PACRG: variants seen among roughly 807,000 people sequenced by gnomAD.
PACRG encodes parkin coregulated gene protein.
PACRG carries 29 observed loss-of-function variants against 29.7 expected under a neutral mutation model. That is an observed-to-expected ratio of 0.98 (90% CI 0.73 to 1.33). PACRG has a LOEUF of 1.33. Ranked by LOEUF, PACRG falls within the 40% of genes most tolerant of loss-of-function variation. The pLI is 0.00. For synonymous variants in PACRG, 116 were observed against 118.7 expected (o/e 0.98, Z 0.15); for missense variants, 279 against 316.2 (o/e 0.88, Z 0.89).
chr6:163,043,370 A>C (rs1156308919), intron 2 of PACRG, among the ~76,000 whole-genome samples: 1 of 152,212 alleles, frequency 6.6e-6, no homozygotes, highest in East Asian at 1.9e-4. Context: ...AACCTGGCCA[A>C]CATGACAAAA....
intron 3 of PACRG, among the ~76,000 whole-genome samples, chr6:163,087,082 G>C (rs778273290): frequency 2.6e-5 from 4 of 152,112 alleles, no homozygotes; most frequent in Non-Finnish European, 5.9e-5. Flanking sequence ...ACAGGTTGGG[G>C]AAGTGGAGAA....
intron 4 of PACRG, among the ~76,000 whole-genome samples, chr6:163,197,024 T>C (rs1446064490): frequency 6.6e-6 from 1 of 151,782 alleles, no homozygotes; most frequent in Admixed American, 6.6e-5. Flanking sequence ...TAAATAAATA[T>C]ATGAAGGAGG....
intron 4 of PACRG, among the ~76,000 whole-genome samples, chr6:163,232,249 T>C (rs149643966): frequency 6.6e-6 from 1 of 152,224 alleles, no homozygotes; most frequent in Non-Finnish European, 1.5e-5. Context: ...CACACTCTTA[T>C]AATAGAGAAG....
intron 2 of PACRG, among the ~76,000 whole-genome samples, chr6:162,976,137 A>G (rs1801938162): frequency 6.6e-6 from 1 of 152,358 alleles, no homozygotes; most frequent in African/African-American, 2.4e-5. Context: ...GTAGTGAGAA[A>G]TGGAAGCAAG....
chr6:162,935,160 TAG>T (rs1299986429), intron 2 of PACRG, among the ~76,000 whole-genome samples: 2 of 152,152 alleles, frequency 1.3e-5, no homozygotes, highest in East Asian at 3.9e-4. Flanking sequence ...TAACTTGCCT[TAG>T]AGAGGACCGT....
intron 4 of PACRG, among the ~76,000 whole-genome samples, chr6:163,149,470 A>G (rs1777983012): frequency 6.6e-6 from 1 of 152,104 alleles, no homozygotes; most frequent in African/African-American, 2.4e-5. Context: ...CCTTGTGATG[A>G]AGCAAACCCC....
intron 1 of PACRG, among the ~76,000 whole-genome samples, chr6:162,781,179 C>A (rs1041825850): frequency 2.6e-5 from 4 of 151,908 alleles, no homozygotes; most frequent in African/African-American, 9.7e-5. Flanking sequence ...AAAGATGAAA[C>A]CTATGACACC....
rs778891928 is a variant in PACRG, at chr6:163,089,348, G to A, written c.553G>A (p.Ala185Thr). 2.5e-6 allele frequency: 4 copies of A among 1,614,118 alleles called. No homozygotes were observed. Among genetic ancestry groups the A allele is most frequent in the Non-Finnish European group, 3.4e-6 (4 of 1,180,010 alleles). The change falls in exon 4 of 5, where the codon GCC (alanine) becomes ACC (threonine). Residue 185 changes from alanine to threonine, a missense_variant. Coordinates refer to ENST00000366888, the MANE Select transcript of PACRG (RefSeq NM_001080379.2). ...TGTGTCAGCTGAGATGGTGGGCAAG[G>A]CCTTGGTGCCTTATTACCGTCAAAT... The part of the protein sequence containing the change: ...LVVSAEMVGK[A>T]LVPYYRQILP...
chr6:162,912,959 C>A lies in PACRG; in HGVS notation c.291+98678C>A, dbSNP rs188972328. 7.9e-5 allele frequency among the ~76,000 whole-genome samples: 12 copies of A among 151,648 alleles called. No homozygotes were observed. The East Asian group carries it at 2.1e-3, about 27-fold the overall frequency. ...AAACAAAATTGGATTGGAAAGCTAC[C>A]ATTGGGGATAAGCTCAAAGGATATT... On this transcript the variant is annotated intron_variant, in intron 2 of 4. Coordinates refer to ENST00000366888, the MANE Select transcript of PACRG (RefSeq NM_001080379.2).
chr6:163,116,507 T>C (rs1345674332), intron 4 of PACRG, among the ~76,000 whole-genome samples: 2 of 152,092 alleles, frequency 1.3e-5, no homozygotes, highest in South Asian at 2.1e-4. Flanking sequence ...TTTGGAGTGA[T>C]TGAGAGAGTC....
At position 163,166,346 on chromosome 6, in the gene PACRG, G is replaced by A. The variant is rs144461971; in HGVS notation, c.613+76938G>A. On this transcript the variant is annotated intron_variant, in intron 4 of 4. Transcript: ENST00000366888. ...AGTGAAAGAATTATTTTGTTAATTG[G>A]TATATTGATACCCCAAGAACTGCTT... 1.0e-3 allele frequency: 396 copies of A among 389,570 alleles called. 4 individuals carry two copies. The highest frequency in any genetic ancestry group is 8.0e-3 in the African/African-American group (383 of 48,110). 24.1% of individuals were successfully genotyped at this position (389,570 alleles called of 1,614,324 possible).
At chr6:163,211,616 C>T (rs369551964) in intron 4 of PACRG, among the ~76,000 whole-genome samples, 15 of 152,128 alleles carry the variant, frequency 9.9e-5, no homozygotes, top group African/African-American at 2.4e-4. Flanking sequence ...AAATCAATTG[C>T]GCATAATAAA....
At chr6:163,287,657 TG>T (rs1271997463) in intron 4 of PACRG, among the ~76,000 whole-genome samples, 2 of 152,216 alleles carry the variant, frequency 1.3e-5, no homozygotes, top group East Asian at 3.9e-4. Flanking sequence ...ACACTTGGAA[TG>T]GAAGCATTTG....
intron 2 of PACRG, among the ~76,000 whole-genome samples, chr6:162,837,895 T>G (rs1789372536): frequency 6.6e-6 from 1 of 152,136 alleles, no homozygotes; most frequent in Admixed American, 6.5e-5. Flanking sequence ...TTGCCATATA[T>G]TTAAATAAAT....
At chr6:163,235,456 G>A (rs1363100048) in intron 4 of PACRG, among the ~76,000 whole-genome samples, 1 of 152,190 alleles carries the variant, frequency 6.6e-6, no homozygotes, top group Non-Finnish European at 1.5e-5. Context: ...ACTAGAAAAT[G>A]TATGTCTTGA....
At chr6:162,890,527 G>C (rs1347477361) in intron 2 of PACRG, among the ~76,000 whole-genome samples, 1 of 152,136 alleles carries the variant, frequency 6.6e-6, no homozygotes, top group African/African-American at 2.4e-5. Flanking sequence ...TGGCCTCCAG[G>C]CCCTCACTGC....
chr6:162,944,129 GTCC>G (rs1798830414), intron 2 of PACRG, among the ~76,000 whole-genome samples: 1 of 152,188 alleles, frequency 6.6e-6, no homozygotes, highest in African/African-American at 2.4e-5. Context: ...TGGCCTACCT[GTCC>G]TCCTTATCTC....
At chr6:163,217,520 G>T (rs970801433) in intron 4 of PACRG, among the ~76,000 whole-genome samples, 6 of 152,318 alleles carry the variant, frequency 3.9e-5, no homozygotes, top group Admixed American at 3.9e-4. Context: ...GAGGGTAGGG[G>T]TTCCCGGGGT....
intron 2 of PACRG, among the ~76,000 whole-genome samples, chr6:163,031,420 A>G (rs1426023131): frequency 1.3e-5 from 2 of 152,288 alleles, no homozygotes; most frequent in Non-Finnish European, 2.9e-5. Context: ...GTCAGAGATC[A>G]CTGGTTGGTT....
Sources: allele counts gnomAD v4.1 joint callset (sites outside exome capture counted in the v4.1 genomes callset), GRCh38; gene constraint gnomAD v4.1.1; transcripts MANE v1.5; gene names NCBI Gene and HGNC (gene_info 2026-07-23, HGNC 2026-07-21).